PARD3: variants seen among roughly 807,000 people sequenced by gnomAD.
PARD3 encodes the protein partitioning defective 3 homolog.
In PARD3, 75 loss-of-function variants were observed where a neutral mutation model predicts 155.4. The observed-to-expected ratio is 0.48, with a 90% CI of 0.40 to 0.58. PARD3 has a LOEUF of 0.58. PARD3 is among the 20% of genes least tolerant of loss of function. PARD3 has a pLI of 0.00. For missense variants in PARD3, 1,642 were observed against 1,721.7 expected (o/e 0.95, Z 0.82); for synonymous variants, 576 against 610.5 (o/e 0.94, Z 0.83).
At chr10:34,207,112 C>T (rs1379501088) in intron 22 of PARD3, among the ~76,000 whole-genome samples, 1 of 152,194 alleles carries the variant, frequency 6.6e-6, no homozygotes, top group Non-Finnish European at 1.5e-5. Flanking sequence ...TGAGGCCTCT[C>T]TGCTTACAAT....
intron 22 of PARD3, among the ~76,000 whole-genome samples, chr10:34,166,602 C>G (rs1164004503): frequency 1.3e-5 from 2 of 151,692 alleles, no homozygotes; most frequent in Non-Finnish European, 2.9e-5. Flanking sequence ...TCACTCCAGC[C>G]TGGGTAACAG....
chr10:34,713,341 T>G (rs1303977573), intron 1 of PARD3, among the ~76,000 whole-genome samples: 2 of 151,728 alleles, frequency 1.3e-5, no homozygotes, highest in Non-Finnish European at 2.9e-5. Flanking sequence ...ATCCACCAGG[T>G]AATATGCTAG....
At chr10:34,710,283 T>C (rs1233782028) in intron 1 of PARD3, among the ~76,000 whole-genome samples, 1 of 152,236 alleles carries the variant, frequency 6.6e-6, no homozygotes, top group Non-Finnish European at 1.5e-5. Context: ...GTTTGAAGAA[T>C]GTATTATCTA....
At chr10:34,564,934 T>C (rs958186631) in intron 2 of PARD3, among the ~76,000 whole-genome samples, 2 of 152,174 alleles carry the variant, frequency 1.3e-5, no homozygotes, top group African/African-American at 4.8e-5. Context: ...GTACATCTCT[T>C]ATCTTCATTT....
intron 2 of PARD3, among the ~76,000 whole-genome samples, chr10:34,524,492 C>T (rs183057203): frequency 9.8e-5 from 15 of 152,294 alleles, no homozygotes; most frequent in African/African-American, 3.1e-4. Flanking sequence ...ACCCACTGAG[C>T]CTTCAGACTA....
At chr10:34,721,324 T>C (rs2094603554) in intron 1 of PARD3, among the ~76,000 whole-genome samples, 1 of 152,158 alleles carries the variant, frequency 6.6e-6, no homozygotes, top group South Asian at 2.1e-4. Flanking sequence ...CTCCATCCTG[T>C]CTTTGAAAAG....
intron 2 of PARD3, among the ~76,000 whole-genome samples, chr10:34,681,762 ATATATATTTTTTTTTTTTT>A (rs2093841412): frequency 4.0e-4 from 9 of 22,386 alleles, no homozygotes; most frequent in African/African-American, 2.3e-3. Flanking sequence ...ATATATATAT[ATATATATTTTTTTTTTTTT>A]TTTTTTTTTT....
chr10:34,397,337 T>C (rs1843438338), intron 7 of PARD3, among the ~76,000 whole-genome samples: 1 of 152,224 alleles, frequency 6.6e-6, no homozygotes, highest in African/African-American at 2.4e-5. Flanking sequence ...AATCACAAAC[T>C]ATTTCTGTTC....
intron 12 of PARD3, among the ~76,000 whole-genome samples, chr10:34,368,047 C>T (rs904238140): frequency 2.0e-5 from 3 of 152,014 alleles, no homozygotes; most frequent in Non-Finnish European, 4.4e-5. Context: ...AAGGTCAGCT[C>T]GAGACCAGCC....
intron 5 of PARD3, among the ~76,000 whole-genome samples, chr10:34,421,368 A>G (rs1375654875): frequency 7.0e-6 from 1 of 142,666 alleles, no homozygotes; most frequent in East Asian, 1.9e-4. Context: ...AAAGTATTTA[A>G]TTATAATTTG....
chr10:34,364,327 C>T lies in PARD3; in HGVS notation c.1708-4068G>A, dbSNP rs577234167. Among the ~76,000 whole-genome samples the T allele has an allele frequency of 1.6e-3, 238 of 152,132 alleles. 1 individual carries two copies. Among genetic ancestry groups the T allele is most frequent in the Non-Finnish European group, 2.6e-3 (179 of 68,006 alleles). The stretch of plus-strand genomic sequence containing the variant: ...AAATTATAGGAGTGAGCTCAATAGC[C>T]GATTTTTGGCTTTGTAACAAAATAC... On this transcript the variant is annotated intron_variant, in intron 12 of 24. Coordinates refer to ENST00000374788, the MANE Select transcript of PARD3 (RefSeq NM_001184785.2).
intron 4 of PARD3, among the ~76,000 whole-genome samples, chr10:34,455,880 T>C (rs2077311064): frequency 6.6e-6 from 1 of 152,212 alleles, no homozygotes; most frequent in Non-Finnish European, 1.5e-5. Context: ...TGCCTAATGT[T>C]GTAGAACTGA....
intron 22 of PARD3, among the ~76,000 whole-genome samples, chr10:34,264,331 C>T (rs1018676373): frequency 2.0e-5 from 3 of 152,120 alleles, no homozygotes; most frequent in African/African-American, 7.2e-5. Context: ...AATGCATTTC[C>T]AATATGTTAT....
intron 22 of PARD3, among the ~76,000 whole-genome samples, chr10:34,251,155 G>C (rs1954282083): frequency 6.6e-6 from 1 of 152,114 alleles, no homozygotes; most frequent in African/African-American, 2.4e-5. Context: ...CAGTATGTAA[G>C]GTAAAGAGGT....
At chr10:34,385,255 T>C (rs904024240) in intron 7 of PARD3, among the ~76,000 whole-genome samples, 8 of 152,190 alleles carry the variant, frequency 5.3e-5, no homozygotes, top group African/African-American at 1.9e-4. Context: ...TGCCTCAGCC[T>C]CCTGAGTAGC....
intron 1 of PARD3, among the ~76,000 whole-genome samples, chr10:34,767,386 T>A (rs1838230484): frequency 6.6e-6 from 1 of 152,020 alleles, no homozygotes; most frequent in African/African-American, 2.4e-5. Context: ...CTGAAACGTG[T>A]GCTCAGGGTA....
chr10:34,217,463 T>C (rs1054648490), intron 22 of PARD3, among the ~76,000 whole-genome samples: 3 of 152,192 alleles, frequency 2.0e-5, no homozygotes, highest in Non-Finnish European at 2.9e-5. Flanking sequence ...TAATTCATTA[T>C]TACTGTCATC....
chr10:34,569,116 G>A (rs892191264), intron 2 of PARD3, among the ~76,000 whole-genome samples: 1 of 152,080 alleles, frequency 6.6e-6, no homozygotes, highest in African/African-American at 2.4e-5. Flanking sequence ...AATCACTGTG[G>A]CACTCTCCTG....
At chr10:34,147,700 T>C (rs1249471771) in intron 22 of PARD3, among the ~76,000 whole-genome samples, 1 of 151,938 alleles carries the variant, frequency 6.6e-6, no homozygotes, top group Non-Finnish European at 1.5e-5. Context: ...ATTTTTAAAA[T>C]ATTTGTTTTT....
Sources: gnomAD v4.1 joint callset for allele counts (sites outside exome capture counted in the v4.1 genomes callset) on GRCh38, gnomAD v4.1.1 for gene constraint, MANE v1.5 for transcripts, NCBI Gene and HGNC (gene_info 2026-07-23, HGNC 2026-07-21) for gene names.